Variants in SLC67A2 observed in about 807,000 individuals in gnomAD.
SLC67A2 encodes solute carrier family 67 member A2.
chr2:102,731,890 T>C, the SLC67A2 span: 576 of 312,418 alleles, frequency 1.8e-3, 6 homozygotes, highest in African/African-American at 0.012. Flanking sequence ...GGTGACGGTG[T>C]GAGAAGCTTG....
the SLC67A2 span, chr2:102,726,948 T>C: frequency 1.2e-5 from 19 of 1,612,896 alleles, no homozygotes; most frequent in South Asian, 2.1e-4. Context: ...AGGAAGACCG[T>C]CTTCCCACTA....
At chr2:102,714,639 TAA>T in the SLC67A2 span, among the ~76,000 whole-genome samples, 5 of 152,312 alleles carry the variant, frequency 3.3e-5, no homozygotes, top group East Asian at 7.7e-4. Flanking sequence ...ATTACAATTA[TAA>T]AGTTTTATTT....
chr2:102,726,707 C>T, the SLC67A2 span: 4 of 1,269,866 alleles, frequency 3.1e-6, no homozygotes, highest in South Asian at 1.7e-5. Context: ...AGGCACGGCT[C>T]CCTTCTGAAC....
chr2:102,725,892 C>T, the SLC67A2 span, among the ~76,000 whole-genome samples: 1 of 152,154 alleles, frequency 6.6e-6, no homozygotes, highest in African/African-American at 2.4e-5. Flanking sequence ...CGAGATGGTG[C>T]CCAATGCCCC....
the SLC67A2 span, among the ~76,000 whole-genome samples, chr2:102,728,048 A>C: frequency 2.0e-5 from 3 of 152,154 alleles, no homozygotes; most frequent in Non-Finnish European, 4.4e-5. Flanking sequence ...CTATGCAAGT[A>C]AGGATGTTGA....
the SLC67A2 span, among the ~76,000 whole-genome samples, chr2:102,728,062 A>C: frequency 2.0e-5 from 3 of 152,170 alleles, no homozygotes; most frequent in Non-Finnish European, 4.4e-5. Flanking sequence ...ATGTTGAGCA[A>C]GACCACAGAG....
At chr2:102,727,203 C>T in the SLC67A2 span, among the ~76,000 whole-genome samples, 2 of 150,468 alleles carry the variant, frequency 1.3e-5, no homozygotes, top group Non-Finnish European at 3.0e-5. Context: ...AACAAACAAA[C>T]AAAAAAGTCT....
the SLC67A2 span, among the ~76,000 whole-genome samples, chr2:102,730,570 T>A: frequency 1.3e-5 from 2 of 149,464 alleles, no homozygotes; most frequent in African/African-American, 4.9e-5. Context: ...TGAGACAGAG[T>A]CTCGCTCTGT....
the SLC67A2 span, chr2:102,718,126 A>C: frequency 9.3e-6 from 3 of 322,910 alleles, no homozygotes; most frequent in East Asian, 2.0e-4. Context: ...TACCCTTGAA[A>C]ATTGTAACCT....
chr2:102,732,723 T>A, the SLC67A2 span, among the ~76,000 whole-genome samples: 1 of 152,132 alleles, frequency 6.6e-6, no homozygotes, highest in Non-Finnish European at 1.5e-5. Context: ...TTTGTATTTA[T>A]TGGTGAACCA....
the SLC67A2 span, among the ~76,000 whole-genome samples, chr2:102,719,934 C>T: frequency 6.6e-6 from 1 of 152,184 alleles, no homozygotes; most frequent in Non-Finnish European, 1.5e-5. Context: ...GGGCACCATT[C>T]TCATAGACCA....
chr2:102,726,351 C>T, the SLC67A2 span, among the ~76,000 whole-genome samples: 1 of 152,144 alleles, frequency 6.6e-6, no homozygotes, highest in Non-Finnish European at 1.5e-5. Flanking sequence ...GTAAGATAAA[C>T]AGGAAGGAGA....
At chr2:102,719,589 C>T in the SLC67A2 span, among the ~76,000 whole-genome samples, 1 of 152,176 alleles carries the variant, frequency 6.6e-6, no homozygotes, top group Non-Finnish European at 1.5e-5. Flanking sequence ...ACGTAACATC[C>T]ATCCATCTAT....
chr2:102,727,903 T>C, the SLC67A2 span, among the ~76,000 whole-genome samples: 1 of 152,244 alleles, frequency 6.6e-6, no homozygotes, highest in Non-Finnish European at 1.5e-5. Context: ...TTTTTCCTGA[T>C]AATTTTTTTA....
chr2:102,731,541 A>G, the SLC67A2 span, among the ~76,000 whole-genome samples: 1 of 152,156 alleles, frequency 6.6e-6, no homozygotes, highest in Non-Finnish European at 1.5e-5. Flanking sequence ...TTTTTTTTAC[A>G]GAGCTCTTTT....
At chr2:102,723,930 T>C in the SLC67A2 span, 44 of 1,598,510 alleles carry the variant, frequency 2.8e-5, no homozygotes, top group Non-Finnish European at 3.3e-5. Flanking sequence ...ATGAGAAACA[T>C]GCTCTGTAAC....
the SLC67A2 span, among the ~76,000 whole-genome samples, chr2:102,726,624 G>GCACA: frequency 2.7e-5 from 4 of 149,766 alleles, no homozygotes; most frequent in Admixed American, 6.7e-5. Context: ...GCTCGCGCAC[G>GCACA]CACACACACA....
chr2:102,719,131 AT>A, the SLC67A2 span: 17 of 1,614,154 alleles, frequency 1.1e-5, no homozygotes, highest in Non-Finnish European at 1.4e-5. Flanking sequence ...CCAACAGCAC[AT>A]GGGTCTTTCG....
chr2:102,718,182 A>G, the SLC67A2 span: 1 of 527,776 alleles, frequency 1.9e-6, no homozygotes. Flanking sequence ...AACGCTGAAT[A>G]TGCTCACCTT....
Sources: allele counts gnomAD v4.1 joint callset (sites outside exome capture counted in the v4.1 genomes callset), GRCh38; gene constraint gnomAD v4.1.1; transcripts MANE v1.5; gene names NCBI Gene and HGNC (gene_info 2026-07-23, HGNC 2026-07-21).